RSRC1: variants seen among roughly 807,000 people sequenced by gnomAD.
RSRC1 encodes serine/Arginine-related protein 53.
In RSRC1, 39 loss-of-function variants were observed where a neutral mutation model predicts 49.1. The ratio of observed to expected loss-of-function variants is 0.79; its 90% CI spans 0.61 to 1.04. The LOEUF (loss-of-function observed/expected upper bound fraction) is 1.04, where lower values mean the gene tolerates loss of function less well. Ranked by LOEUF, RSRC1 falls within the 50% of genes least tolerant of loss-of-function variation. The probability of loss-of-function intolerance (pLI) is 0.00; values close to 1 mark genes in which losing one functional copy is unlikely to be tolerated. For missense variants in RSRC1, 388 were observed against 402.4 expected (o/e 0.96, Z 0.31); for synonymous variants, 143 against 130.8 (o/e 1.09, Z -0.63).
chr3:158,342,334 C>T (rs188410623), intron 5 of RSRC1, among the ~76,000 whole-genome samples: 76 of 152,196 alleles, frequency 5.0e-4, no homozygotes, highest in African/African-American at 1.7e-3. Context: ...GAGAGCCTGG[C>T]GGAGGTAATT....
intron 7 of RSRC1, among the ~76,000 whole-genome samples, chr3:158,518,714 T>G (rs1740741423): frequency 6.6e-6 from 1 of 152,140 alleles, no homozygotes; most frequent in Non-Finnish European, 1.5e-5. Flanking sequence ...AGTATAATTT[T>G]TCTAATCACA....
chr3:158,151,620 A>G (rs956354794), intron 3 of RSRC1, among the ~76,000 whole-genome samples: 7 of 152,182 alleles, frequency 4.6e-5, no homozygotes, highest in African/African-American at 1.4e-4. Flanking sequence ...CATCAAATAA[A>G]TGCCAACTAG....
chr3:158,233,766 C>T (rs1405190795), intron 4 of RSRC1, among the ~76,000 whole-genome samples: 2 of 152,088 alleles, frequency 1.3e-5, no homozygotes, highest in Admixed American at 1.3e-4. Context: ...CATAATTCCC[C>T]AACATCACCA....
At chr3:158,238,967 G>A (rs1367190462) in intron 4 of RSRC1, among the ~76,000 whole-genome samples, 3 of 151,872 alleles carry the variant, frequency 2.0e-5, no homozygotes, top group Admixed American at 6.6e-5. Context: ...CAATCTACTC[G>A]TCTGACAAAA....
At chr3:158,390,760 T>G (rs1733236992) in intron 6 of RSRC1, among the ~76,000 whole-genome samples, 2 of 152,150 alleles carry the variant, frequency 1.3e-5, no homozygotes, top group Admixed American at 6.5e-5. Context: ...TTTAATATAT[T>G]ACAGTATTTA....
chr3:158,229,349 T>TATATACAC (rs1173068426), intron 4 of RSRC1, among the ~76,000 whole-genome samples: 1 of 115,430 alleles, frequency 8.7e-6, no homozygotes, highest in Admixed American at 9.3e-5. Context: ...TGTATGTATA[T>TATATACAC]ATATACACAT....
At chr3:158,171,340 C>T (rs936155900) in intron 3 of RSRC1, among the ~76,000 whole-genome samples, 1 of 152,102 alleles carries the variant, frequency 6.6e-6, no homozygotes, top group Non-Finnish European at 1.5e-5. Flanking sequence ...TCCAAAGGTA[C>T]TTAGCATACA....
intron 5 of RSRC1, among the ~76,000 whole-genome samples, chr3:158,327,238 T>G (rs1729215338): frequency 6.6e-6 from 1 of 152,222 alleles, no homozygotes. Flanking sequence ...TCTCCTTCAG[T>G]TCTTCTCTGA....
At chr3:158,357,926 G>A (rs182500940) in intron 6 of RSRC1, among the ~76,000 whole-genome samples, 1 of 152,296 alleles carries the variant, frequency 6.6e-6, no homozygotes, top group African/African-American at 2.4e-5. Flanking sequence ...GAAATCCTAC[G>A]ATTAGACTTA....
chr3:158,306,805 GTATTATAGTATAATT>G (rs1205597492), intron 5 of RSRC1, among the ~76,000 whole-genome samples: 3 of 151,648 alleles, frequency 2.0e-5, no homozygotes, highest in Non-Finnish European at 4.4e-5. Flanking sequence ...TCATATCATC[GTATTATAGTATAATT>G]TCTTTCCTTG....
chr3:158,440,194 C>T (rs1021733468), intron 6 of RSRC1, among the ~76,000 whole-genome samples: 2 of 51,920 alleles, frequency 3.9e-5, no homozygotes, highest in Non-Finnish European at 1.2e-4. Flanking sequence ...GGAAAAAGTT[C>T]TTCGTGTTTG....
At chr3:158,185,215 A>T (rs545380297) in intron 3 of RSRC1, among the ~76,000 whole-genome samples, 23 of 152,070 alleles carry the variant, frequency 1.5e-4, no homozygotes, top group African/African-American at 5.3e-4. Flanking sequence ...TTTGAAATGC[A>T]GTGTCTTTGA....
intron 3 of RSRC1, among the ~76,000 whole-genome samples, chr3:158,200,751 G>A (rs1022552998): frequency 6.6e-6 from 1 of 151,980 alleles, no homozygotes; most frequent in Non-Finnish European, 1.5e-5. Context: ...TGAAATATAG[G>A]AACCTTTTAA....
chr3:158,310,604 T>C (rs1449157283), intron 5 of RSRC1, among the ~76,000 whole-genome samples: 1 of 151,800 alleles, frequency 6.6e-6, no homozygotes, highest in Admixed American at 6.6e-5. Context: ...TCCAGGTTTA[T>C]TCTAAAGTTA....
chr3:158,529,562 T>C (rs1196367189), intron 7 of RSRC1, among the ~76,000 whole-genome samples: 1 of 151,924 alleles, frequency 6.6e-6, no homozygotes, highest in Non-Finnish European at 1.5e-5. Flanking sequence ...TGTGAAGTGC[T>C]CAGCGCAGAG....
intron 6 of RSRC1, among the ~76,000 whole-genome samples, chr3:158,450,786 C>T (rs1168180815): frequency 1.3e-5 from 2 of 151,850 alleles, no homozygotes; most frequent in Admixed American, 6.6e-5. Context: ...AAACCTTAAA[C>T]ACCGTGGCCT....
chr3:158,298,191 G>A, intron 5 of RSRC1, 116 bp downstream of exon 5: 2 of 782,204 alleles, frequency 2.6e-6, no homozygotes, highest in South Asian at 1.7e-5. Context: ...ATTTCCCAAA[G>A]GGTCAGCTTA....
intron 7 of RSRC1, among the ~76,000 whole-genome samples, chr3:158,497,164 C>T (rs1460450498): frequency 6.6e-6 from 1 of 152,036 alleles, no homozygotes; most frequent in Non-Finnish European, 1.5e-5. Flanking sequence ...ACTTTTTCAT[C>T]TTGCAAAACT....
chr3:158,188,495 A>G (rs1336834055), intron 3 of RSRC1, among the ~76,000 whole-genome samples: 1 of 151,894 alleles, frequency 6.6e-6, no homozygotes, highest in East Asian at 1.9e-4. Flanking sequence ...TTCCTGCTCT[A>G]TCATCTGGAA....
Sources: gnomAD v4.1 joint callset for allele counts (sites outside exome capture counted in the v4.1 genomes callset) on GRCh38, gnomAD v4.1.1 for gene constraint, MANE v1.5 for transcripts, NCBI Gene and HGNC (gene_info 2026-07-23, HGNC 2026-07-21) for gene names.